PLEKHA4: variants seen among roughly 807,000 people sequenced by gnomAD.
The protein encoded by PLEKHA4 is pleckstrin homology domain-containing family A member 4.
In PLEKHA4, 73 loss-of-function variants were observed where a neutral mutation model predicts 94.7. The ratio of observed to expected loss-of-function variants is 0.77; its 90% CI spans 0.64 to 0.94. The LOEUF is 0.94. Ranked by LOEUF, PLEKHA4 falls within the 40% of genes least tolerant of loss-of-function variation. The pLI, the probability that PLEKHA4 is intolerant of heterozygous loss-of-function variation, is 0.00. For missense variants in PLEKHA4, 1,049 were observed against 1,054.1 expected (o/e 1.00, Z 0.07); for synonymous variants, 449 against 437.1 (o/e 1.03, Z -0.34).
At position 48,867,449 on chromosome 19, in the gene PLEKHA4, T is replaced by A. The variant is rs2036871011; in HGVS notation, c.84+88A>T. ...CAGACCCCGTTGCTAAGGATCTTTG[T>A]CCTTAACAACCAGAGTCCTTGGGGA... On this transcript the variant is annotated intron_variant, in intron 2 of 19. Coordinates refer to ENST00000263265, the MANE Select transcript of PLEKHA4 (RefSeq NM_020904.3). This position sits in a 1 kb window ranked among gnomAD's most constrained non-coding sequence, Gnocchi z 4.7. 1 of 1,445,058 alleles carries A rather than the reference T, an allele frequency of 6.9e-7. No individual in the cohort carries two copies. 89.5% of individuals were successfully genotyped at this position (1,445,058 alleles called of 1,614,324 possible). A position where few individuals can be genotyped will look rare whatever the true frequency, so the allele number is the denominator to read the frequency against.
chr19:48,860,642 C>A (rs2036599838), intron 5 of PLEKHA4, among the ~76,000 whole-genome samples, 183 bp from the exon 6 acceptor site: 1 of 151,714 alleles, frequency 6.6e-6, no homozygotes, highest in Non-Finnish European at 1.5e-5. Context: ...CCCGTCTCTA[C>A]AAAAAAATCA....
rs753643757 is a variant in PLEKHA4, at chr19:48,858,965, C to T, written c.867G>A (p.Gln289=). Residue 289 remains glutamine (Q), a synonymous_variant, in exon 8 of 20, where the codon CAG becomes CAA. Coordinates refer to ENST00000263265, the MANE Select transcript of PLEKHA4 (RefSeq NM_020904.3). ...GGGGAGTAGGGGGTCGGGAGAGGGT[C>T]TGGCGTTGGGGGCCCCAATCCAGAG... ...RPPLDWGPQR[Q]TLSRPPTPRR... is the part of the protein sequence containing the mutation. The T allele has an allele frequency of 1.9e-6, 3 of 1,589,516 alleles. No homozygotes were observed. Among genetic ancestry groups the T allele is most frequent in the Non-Finnish European group, 2.6e-6 (3 of 1,172,406 alleles).
intron 16 of PLEKHA4, chr19:48,845,106 T>C (rs1194917529): frequency 1.7e-5 from 6 of 344,272 alleles, no homozygotes; most frequent in Admixed American, 4.3e-5. Flanking sequence ...AGTTTTCATC[T>C]TGATGTCAGC....
At chr19:48,865,669 G>A in intron 2 of PLEKHA4, 59 bp from the exon 3 acceptor site, 3 of 1,261,712 alleles carry the variant, frequency 2.4e-6, no homozygotes, top group Non-Finnish European at 2.3e-6. Flanking sequence ...CTGGGAGGGG[G>A]TGAGGGTGGA....
chr19:48,847,507 G>A (rs763529283), intron 14 of PLEKHA4, among the ~76,000 whole-genome samples: 18 of 152,112 alleles, frequency 1.2e-4, no homozygotes, highest in Admixed American at 2.0e-4. Context: ...CGAGGCAGGC[G>A]GATTACTCAA....
intron 2 of PLEKHA4, 90 bp from the exon 3 acceptor site, chr19:48,865,700 C>T (rs562819510): frequency 2.2e-5 from 18 of 833,604 alleles, no homozygotes; most frequent in African/African-American, 5.2e-5. Context: ...CGTAGGCTCT[C>T]GCTTGGCTGC....
At chr19:48,861,294 T>C (rs1487417072) in intron 5 of PLEKHA4, 107 bp downstream of exon 5, 7 of 919,320 alleles carry the variant, frequency 7.6e-6, no homozygotes, top group African/African-American at 1.6e-5. Context: ...TCTCCAGTAA[T>C]GGATATTCCA....
At chr19:48,863,977 T>C (rs1476334006) in intron 3 of PLEKHA4, among the ~76,000 whole-genome samples, 1 of 152,220 alleles carries the variant, frequency 6.6e-6, no homozygotes, top group African/African-American at 2.4e-5. Flanking sequence ...GTTCCTGATT[T>C]GGCAAATCTA....
In PLEKHA4 at chr19:48,859,538, C is replaced by G; in HGVS notation, c.623G>C (p.Arg208Thr). ...TRLSRGRGRP[R>T]LLTPSPTTDL... Reference sequence around the variant, plus strand: ...GGTTGTGGGGCTGGGAGTGAGCAGCCTGGGTCTACCACGACCTCTGGAGAG... The same window carrying G: ...GGTTGTGGGGCTGGGAGTGAGCAGCGTGGGTCTACCACGACCTCTGGAGAG... The change falls in exon 7 of 20, where the codon AGG becomes ACG. Residue 208 changes from arginine to threonine, a missense_variant. By Grantham distance (71) the Arg-to-Thr change is moderately conservative. Transcript: ENST00000263265. The G allele has an allele frequency of 1.2e-6, 2 of 1,614,026 alleles. No individual in the cohort carries two copies. Among genetic ancestry groups the G allele is most frequent in the Non-Finnish European group, 1.7e-6 (2 of 1,180,010 alleles).
chr19:48,865,076 G>T (rs1192347771), intron 3 of PLEKHA4, among the ~76,000 whole-genome samples: 1 of 152,186 alleles, frequency 6.6e-6, no homozygotes, highest in African/African-American at 2.4e-5. Flanking sequence ...AGGCACGGTG[G>T]CTCACGCCTG....
chr19:48,850,803 C>T (rs890811232), intron 13 of PLEKHA4, among the ~76,000 whole-genome samples: 7 of 151,440 alleles, frequency 4.6e-5, no homozygotes, highest in African/African-American at 1.5e-4. Context: ...GGCAACAGAA[C>T]GAGACTCTAT....
chr19:48,841,114 AC>A, intron 17 of PLEKHA4, 34 bp downstream of exon 17: 7 of 1,586,668 alleles, frequency 4.4e-6, no homozygotes, highest in Non-Finnish European at 6.0e-6. Context: ...ACCTACTACC[AC>A]CCCACCGCCC....
chr19:48,860,839 A>G (rs1300198581), intron 5 of PLEKHA4, among the ~76,000 whole-genome samples: 5 of 150,904 alleles, frequency 3.3e-5, no homozygotes, highest in East Asian at 2.0e-4. Context: ...GAAAGAAAGA[A>G]AGAGAGAGAG....
chr19:48,838,255 A>G, intron 18 of PLEKHA4, 126 bp from the exon 19 acceptor site: 1 of 543,970 alleles, frequency 1.8e-6, no homozygotes, highest in Admixed American at 3.2e-5. Context: ...GAATGACTAT[A>G]GTCAATAATA....
chr19:48,861,077 G>A (rs749776614), intron 5 of PLEKHA4, among the ~76,000 whole-genome samples: 3 of 151,950 alleles, frequency 2.0e-5, no homozygotes, highest in Non-Finnish European at 2.9e-5. Context: ...GCGTGGTGGC[G>A]TGCGCCTGTA....
chr19:48,847,406 A>G (rs2036005890), intron 14 of PLEKHA4, among the ~76,000 whole-genome samples: 1 of 152,128 alleles, frequency 6.6e-6, no homozygotes, highest in African/African-American at 2.4e-5. Context: ...ACTGCAGTCC[A>G]GCCTGGGCGA....
At chr19:48,839,905 C>T (rs1004573862) in intron 17 of PLEKHA4, among the ~76,000 whole-genome samples, 1 of 150,904 alleles carries the variant, frequency 6.6e-6, no homozygotes, top group South Asian at 2.1e-4. Context: ...TTAAGAACAG[C>T]CTGGTCAATA....
rs527688246 is a variant in PLEKHA4 at position 48,864,856 on chromosome 19, C to T, written c.192+647G>A. Among the ~76,000 whole-genome samples, 50 of 152,352 alleles carry T rather than the reference C, an allele frequency of 3.3e-4. 1 individual carries two copies. Among genetic ancestry groups the T allele is most frequent in the African/African-American group, 1.2e-3 (49 of 41,590 alleles). ...AAAATGCTGGGGTTACACCACTGAA[C>T]CTGGACCCTATGTTACTTCTTCATA... is the stretch of plus-strand genomic sequence containing the variant. On this transcript the variant is annotated intron_variant, in intron 3 of 19. Coordinates refer to ENST00000263265, the MANE Select transcript of PLEKHA4 (RefSeq NM_020904.3).
intron 5 of PLEKHA4, 101 bp from the exon 6 acceptor site, chr19:48,860,560 G>A: frequency 1.2e-6 from 1 of 843,106 alleles, no homozygotes; most frequent in Non-Finnish European, 1.9e-6. Context: ...GCTTTGGGAG[G>A]CCGATGCGGG....
Sources: gnomAD v4.1 joint callset for allele counts (sites outside exome capture counted in the v4.1 genomes callset) on GRCh38, gnomAD v4.1.1 for gene constraint, Gnocchi (gnomAD v3.1) non-coding constraint, MANE v1.5 for transcripts, NCBI Gene and HGNC (gene_info 2026-07-23, HGNC 2026-07-21) for gene names.